Variants in KANK1 observed in about 807,000 individuals in gnomAD.
The protein encoded by KANK1 is KN motif and ankyrin repeat domain-containing protein 1.
A neutral mutation model predicts 106.2 loss-of-function variants in KANK1; 109 were observed. The ratio of observed to expected loss-of-function variants is 1.03; its 90% confidence interval spans 0.88 to 1.20. KANK1 has a LOEUF of 1.20. Among genes scored for constraint, KANK1 ranks in the 50% most tolerant of loss-of-function variants. KANK1 has a pLI of 0.00. For missense variants in KANK1, 2,399 were observed against 1,710.7 expected (o/e 1.40, Z -7.10); for synonymous variants, 873 against 652.2 (o/e 1.34, Z -5.16).
intron 1 of KANK1, among the ~76,000 whole-genome samples, chr9:642,727 C>T (rs1271434270): frequency 6.7e-6 from 1 of 149,880 alleles, no homozygotes; most frequent in Non-Finnish European, 1.5e-5. Context: ...AAATTAATTT[C>T]TCTCTCTGTC....
intron 1 of KANK1, among the ~76,000 whole-genome samples, chr9:561,276 A>C (rs928560374): frequency 6.6e-6 from 1 of 152,234 alleles, no homozygotes; most frequent in African/African-American, 2.4e-5. Context: ...AAACACACAT[A>C]AAATGGATAT....
At chr9:527,293 TTTTGTTTG>T (rs35256853) in intron 1 of KANK1, among the ~76,000 whole-genome samples, 2 of 151,262 alleles carry the variant, frequency 1.3e-5, no homozygotes, top group South Asian at 4.2e-4. Context: ...TTTGTGTGTT[TTTTGTTTG>T]TTTGTTTGTT....
chr9:695,774 T>G (rs146622858), intron 2 of KANK1, among the ~76,000 whole-genome samples: 1 of 152,246 alleles, frequency 6.6e-6, no homozygotes, highest in East Asian at 1.9e-4. Flanking sequence ...TACTATTATT[T>G]TCTCAAACAA....
At chr9:698,585 A>T (rs1446491219) in intron 2 of KANK1, among the ~76,000 whole-genome samples, 1 of 152,182 alleles carries the variant, frequency 6.6e-6, no homozygotes, top group Non-Finnish European at 1.5e-5. Context: ...AATTTGTCAG[A>T]CCTTCTCAGT....
At chr9:689,180 A>G (rs1819269611) in intron 2 of KANK1, among the ~76,000 whole-genome samples, 1 of 152,206 alleles carries the variant, frequency 6.6e-6, no homozygotes, top group Admixed American at 6.5e-5. Context: ...TGACAAAGGT[A>G]ATAACCATGG....
intron 1 of KANK1, among the ~76,000 whole-genome samples, chr9:649,470 C>A (rs1351407560): frequency 6.6e-6 from 1 of 152,172 alleles, no homozygotes; most frequent in Admixed American, 6.5e-5. Flanking sequence ...AGTCACTGAG[C>A]TGAGCTGATT....
chr9:560,975 G>C (rs1182068006), intron 1 of KANK1, among the ~76,000 whole-genome samples: 1 of 152,164 alleles, frequency 6.6e-6, no homozygotes, highest in Non-Finnish European at 1.5e-5. Flanking sequence ...TTCTCTGGCA[G>C]CTTTAATGGC....
chr9:531,545 A>G (rs1489287756), intron 1 of KANK1, among the ~76,000 whole-genome samples: 1 of 152,240 alleles, frequency 6.6e-6, no homozygotes. Context: ...TTGCAAAGCA[A>G]AACTCAATTT....
chr9:662,325 A>G (rs1401939272), intron 1 of KANK1, among the ~76,000 whole-genome samples: 1 of 152,160 alleles, frequency 6.6e-6, no homozygotes, highest in Non-Finnish European at 1.5e-5. Context: ...GGGAAAAACT[A>G]CTTTAAAGTT....
At chr9:562,450 G>T (rs1816751194) in intron 1 of KANK1, among the ~76,000 whole-genome samples, 1 of 152,196 alleles carries the variant, frequency 6.6e-6, no homozygotes, top group African/African-American at 2.4e-5. Context: ...CATGTTCCCA[G>T]TAAAGAGCTC....
chr9:624,042 T>C (rs1833801143), intron 1 of KANK1, among the ~76,000 whole-genome samples: 1 of 152,206 alleles, frequency 6.6e-6, no homozygotes, highest in Non-Finnish European at 1.5e-5. Flanking sequence ...TAGAATAATA[T>C]TTAGCCATAA....
chr9:664,163 C>G (rs1844022250), intron 1 of KANK1, among the ~76,000 whole-genome samples: 1 of 152,100 alleles, frequency 6.6e-6, no homozygotes, highest in Non-Finnish European at 1.5e-5. Flanking sequence ...CTATCGAACA[C>G]CAAGTCTTAT....
intron 1 of KANK1, among the ~76,000 whole-genome samples, chr9:675,924 G>A (rs1816322747): frequency 6.6e-6 from 1 of 152,160 alleles, no homozygotes; most frequent in Non-Finnish European, 1.5e-5. Context: ...GAAGTGAGGG[G>A]TCCTCCCCTT....
chr9:524,992 T>TC (rs1291073067), intron 1 of KANK1, among the ~76,000 whole-genome samples: 2 of 141,230 alleles, frequency 1.4e-5, no homozygotes, highest in East Asian at 2.0e-4. Context: ...CTTTTTTTTT[T>TC]TTTTTTTTTT....
At chr9:729,916 T>C in intron 3 of KANK1, 135 bp from the exon 4 acceptor site, 1 of 732,322 alleles carries the variant, frequency 1.4e-6, no homozygotes, top group Non-Finnish European at 2.2e-6. Context: ...AGCTGGAGCG[T>C]CAAAGGGGCT....
In KANK1 at chr9:710,635, AAAAAC is replaced by A. The variant is rs1564031085; in HGVS notation, c.38-164_38-160del. Among the ~76,000 whole-genome samples the A allele has an allele frequency of 2.8e-4, 32 of 115,364 alleles. 3 individuals carry two copies. Among genetic ancestry groups the A allele is most frequent in the African/African-American group, 6.4e-4 (10 of 15,626 alleles). The allele number at this position is 115,364 out of a possible 152,430, so 75.7% of individuals were successfully genotyped here. A position where few individuals can be genotyped will look rare whatever the true frequency, so the allele number is the denominator to read the frequency against. ...TGTCTCAAAAAAAAAAAAAACAAAA[AAAAAC>A]AAAAAAAACTTGCTTACCCAGCTGT... On this transcript the variant is annotated intron_variant, in intron 2 of 11. Transcript: ENST00000382297.
rs565032621 is a variant in KANK1, at chr9:745,571, G to A, written c.*336G>A. ...AGTGGTGTCTGGTTCTCACTGAGAC[G>A]TTTTAAGATTTTTCCACAAATATTT... On this transcript the variant is annotated 3_prime_UTR_variant, in exon 12 of 12. Transcript: ENST00000382297. 7.2e-4 allele frequency: 129 copies of A among 179,392 alleles called. No homozygotes were observed. The highest frequency in any genetic ancestry group is 2.7e-3 in the African/African-American group (117 of 42,634). 11.1% of individuals were successfully genotyped at this position (179,392 alleles called of 1,614,324 possible).
chr9:688,916 C>T (rs1368256472), intron 2 of KANK1, among the ~76,000 whole-genome samples: 1 of 152,166 alleles, frequency 6.6e-6, no homozygotes, highest in Middle Eastern at 3.2e-3. Flanking sequence ...GGCTGGCTGG[C>T]CTGCTTTCCT....
intron 7 of KANK1, among the ~76,000 whole-genome samples, chr9:735,311 A>G (rs566022817): frequency 1.1e-4 from 17 of 152,308 alleles, no homozygotes; most frequent in Admixed American, 9.2e-4. Flanking sequence ...GGCGGCCACT[A>G]TTTTTAAACA....
Sources: allele counts gnomAD v4.1 joint callset (sites outside exome capture counted in the v4.1 genomes callset), GRCh38; gene constraint gnomAD v4.1.1; transcripts MANE v1.5; gene names NCBI Gene and HGNC (gene_info 2026-07-23, HGNC 2026-07-21).